PRKAG2: variants seen among roughly 807,000 people sequenced by gnomAD.
PRKAG2 encodes 5'-AMP-activated protein kinase subunit gamma-2.
A neutral mutation model predicts 69.6 loss-of-function variants in PRKAG2; 26 were observed. That is an observed-to-expected ratio of 0.37 (90% CI 0.27 to 0.52). The LOEUF is 0.52. Among genes scored for constraint, PRKAG2 ranks in the 20% least tolerant of loss-of-function variants. PRKAG2 has a pLI of 0.90. For missense variants in PRKAG2, 557 were observed against 740.0 expected (o/e 0.75, Z 2.87); for synonymous variants, 293 against 285.0 (o/e 1.03, Z -0.28).
intron 3 of PRKAG2, among the ~76,000 whole-genome samples, chr7:151,764,302 A>T (rs1005689605): frequency 6.6e-6 from 1 of 152,232 alleles, no homozygotes; most frequent in Non-Finnish European, 1.5e-5. Context: ...GCCAGAGCGC[A>T]GCCCAGCCCA....
intron 2 of PRKAG2, among the ~76,000 whole-genome samples, chr7:151,783,731 C>A (rs1341756064): frequency 6.6e-6 from 1 of 151,390 alleles, no homozygotes; most frequent in East Asian, 1.9e-4. Flanking sequence ...GGCAACATGG[C>A]AAAACCCTGT....
At position 151,583,810 on chromosome 7, in the gene PRKAG2, T is replaced by C. The variant is rs1240515217; in HGVS notation, c.865-7358A>G. 6.6e-6 allele frequency among the ~76,000 whole-genome samples: 1 copy of C among 152,182 alleles called. No individual in the cohort carries two copies. The highest frequency in any genetic ancestry group is 1.5e-5 in the Non-Finnish European group (1 of 68,028). On this transcript the variant is annotated intron_variant, in intron 6 of 15. Coordinates refer to ENST00000287878, the MANE Select transcript of PRKAG2 (RefSeq NM_016203.4). This position sits in a 1 kb window ranked among gnomAD's most constrained non-coding sequence, Gnocchi z 4.1. ...ACACATTTCAAAGCAAATGTGATAA[T>C]TAGATAAGAAAAGATGGGAAATAAA... is the stretch of plus-strand genomic sequence containing the variant.
Position 151,876,616 on chromosome 7 carries a change from C to G in PRKAG2, c.5G>C (p.Gly2Ala). The G allele has an allele frequency of 6.2e-7, 1 of 1,608,824 alleles. No homozygotes were observed. Among genetic ancestry groups the G allele is most frequent in the Non-Finnish European group, 8.5e-7 (1 of 1,179,870 alleles). ...CTTCTTGGTGTCCATAACCGCGCTT[C>G]CCATAACTCTAACCAGAAGTTGATT... MGSAVMDTKKKK... is the reference protein window; with the variant it reads MASAVMDTKKKK... The change falls in exon 1 of 16, where the codon GGA becomes GCA. Residue 2 changes from glycine (G) to alanine (A), a missense_variant. Around this residue, in one of 2 missense-constraint regions of PRKAG2, gnomAD observed 352 missense variants for 356.7 expected, o/e 0.99. Transcript: ENST00000287878.
intron 1 of PRKAG2, among the ~76,000 whole-genome samples, chr7:151,812,216 A>G (rs2078456863): frequency 6.6e-6 from 1 of 152,198 alleles, no homozygotes; most frequent in African/African-American, 2.4e-5. Flanking sequence ...ATTGAACACA[A>G]TTTAATACAA....
At chr7:151,826,182 T>C (rs2374307) in intron 1 of PRKAG2, among the ~76,000 whole-genome samples, 3 of 151,302 alleles carry the variant, frequency 2.0e-5, no homozygotes, top group African/African-American at 7.3e-5. Context: ...CACTTTTTTT[T>C]TTGTTGTTGT....
At chr7:151,658,861 T>C (rs938433557) in intron 4 of PRKAG2, among the ~76,000 whole-genome samples, 2 of 152,190 alleles carry the variant, frequency 1.3e-5, no homozygotes, top group African/African-American at 4.8e-5. Flanking sequence ...AGGACTAAGA[T>C]GGAAAAGAGG....
At chr7:151,844,333 A>C (rs1468974418) in intron 1 of PRKAG2, among the ~76,000 whole-genome samples, 1 of 152,070 alleles carries the variant, frequency 6.6e-6, no homozygotes, top group Non-Finnish European at 1.5e-5. Flanking sequence ...CTAGCTCTCA[A>C]CTTCTACCAC....
chr7:151,816,032 G>A (rs1386921410), intron 1 of PRKAG2, among the ~76,000 whole-genome samples: 3 of 152,202 alleles, frequency 2.0e-5, no homozygotes, highest in African/African-American at 7.2e-5. Flanking sequence ...TGTGGATGAC[G>A]TATTCAGGAA....
intron 1 of PRKAG2, among the ~76,000 whole-genome samples, chr7:151,816,486 G>C (rs1036158473): frequency 2.6e-5 from 4 of 152,186 alleles, no homozygotes; most frequent in Non-Finnish European, 2.9e-5. Context: ...GAAAAACCAA[G>C]CTGAGTGGAA....
intron 5 of PRKAG2, among the ~76,000 whole-genome samples, chr7:151,598,080 G>C (rs1377331870): frequency 3.3e-5 from 5 of 152,062 alleles, no homozygotes; most frequent in African/African-American, 1.2e-4. Flanking sequence ...AAAGATGAAT[G>C]GATAAAGAAA....
intron 3 of PRKAG2, among the ~76,000 whole-genome samples, chr7:151,707,829 G>T (rs1211460666): frequency 6.6e-6 from 1 of 152,184 alleles, no homozygotes; most frequent in Non-Finnish European, 1.5e-5. Context: ...CCCGTGATGT[G>T]CCCAACTCAC....
chr7:151,801,555 G>A (rs1469779364), intron 1 of PRKAG2, among the ~76,000 whole-genome samples: 1 of 152,204 alleles, frequency 6.6e-6, no homozygotes, highest in Admixed American at 6.5e-5. Context: ...TGGTTCATCG[G>A]GGAGACTACG....
At chr7:151,826,708 C>A (rs2078911708) in intron 1 of PRKAG2, among the ~76,000 whole-genome samples, 1 of 152,220 alleles carries the variant, frequency 6.6e-6, no homozygotes, top group Non-Finnish European at 1.5e-5. Flanking sequence ...AGACGTGATA[C>A]ATCCTCAAAT....
chr7:151,834,888 A>G (rs754034251), intron 1 of PRKAG2, among the ~76,000 whole-genome samples: 10 of 152,216 alleles, frequency 6.6e-5, no homozygotes, highest in Non-Finnish European at 1.2e-4. Flanking sequence ...GAGAGGGAGA[A>G]TCTGTCCAGG....
intron 3 of PRKAG2, among the ~76,000 whole-genome samples, chr7:151,690,376 C>T (rs1835476517): frequency 6.6e-6 from 1 of 152,160 alleles, no homozygotes; most frequent in Non-Finnish European, 1.5e-5. Context: ...CTGCCCCCTT[C>T]CAGATACCTC....
intron 1 of PRKAG2, among the ~76,000 whole-genome samples, chr7:151,793,226 ACT>A (rs1256792039): frequency 1.3e-5 from 2 of 151,522 alleles, no homozygotes; most frequent in African/African-American, 4.9e-5. Context: ...ACGACCAAAG[ACT>A]CTCCACTGCT....
At chr7:151,652,862 G>A (rs1201608651) in intron 4 of PRKAG2, among the ~76,000 whole-genome samples, 3 of 152,034 alleles carry the variant, frequency 2.0e-5, no homozygotes, top group African/African-American at 7.2e-5. Flanking sequence ...CAAGCGATCT[G>A]CCCGCCTCAG....
chr7:151,578,079 G>C (rs529944734), intron 6 of PRKAG2, among the ~76,000 whole-genome samples: 5 of 150,082 alleles, frequency 3.3e-5, no homozygotes, highest in African/African-American at 1.2e-4. Context: ...AGTGGCCCAC[G>C]CCTGTAATCC....
intron 2 of PRKAG2, 97 bp downstream of exon 2, chr7:151,786,373 G>C: frequency 8.3e-7 from 1 of 1,211,498 alleles, no homozygotes; most frequent in Non-Finnish European, 1.2e-6. Context: ...GCGGGTGGGC[G>C]TGAGGGTGAA....
Sources: allele counts gnomAD v4.1 joint callset (sites outside exome capture counted in the v4.1 genomes callset), GRCh38; gene constraint gnomAD v4.1.1; regional missense constraint gnomAD v4.1.1; non-coding constraint Gnocchi (gnomAD v3.1); transcripts MANE v1.5; gene names NCBI Gene and HGNC (gene_info 2026-07-23, HGNC 2026-07-21).